SNTG1: variants seen among roughly 807,000 people sequenced by gnomAD.
SNTG1 encodes gamma-1-syntrophin.
A neutral mutation model predicts 74.7 loss-of-function variants in SNTG1; 39 were observed. That is an observed-to-expected ratio of 0.52 (90% CI 0.40 to 0.68). The LOEUF (loss-of-function observed/expected upper bound fraction) is 0.68. SNTG1 is among the 30% of genes least tolerant of loss of function. The pLI, the probability that SNTG1 is intolerant of heterozygous loss-of-function variation, is 0.00. For missense variants in SNTG1, 685 were observed against 609.5 expected (o/e 1.12, Z -1.30); for synonymous variants, 254 against 217.1 (o/e 1.17, Z -1.49).
At chr8:50,486,015 G>C (rs1484320949) in intron 8 of SNTG1, among the ~76,000 whole-genome samples, 1 of 152,142 alleles carries the variant, frequency 6.6e-6, no homozygotes, top group Admixed American at 6.5e-5. Flanking sequence ...GCTCTGTTCT[G>C]TTCCATTGAT....
At chr8:50,481,139 T>G (rs532535023) in intron 8 of SNTG1, among the ~76,000 whole-genome samples, 1 of 152,116 alleles carries the variant, frequency 6.6e-6, no homozygotes. Flanking sequence ...TCCCAGCACT[T>G]TGGGAAGCCG....
chr8:50,246,504 CTTTTT>C (rs58751270), intron 2 of SNTG1, among the ~76,000 whole-genome samples: 1 of 141,784 alleles, frequency 7.1e-6, no homozygotes. Flanking sequence ...TAGTGTCTTT[CTTTTT>C]TTTTTTTTTT....
chr8:50,335,510 G>C (rs566228205), intron 2 of SNTG1, among the ~76,000 whole-genome samples: 30 of 152,186 alleles, frequency 2.0e-4, no homozygotes, highest in African/African-American at 7.0e-4. Context: ...TATCGCCAGG[G>C]CACTGATCAT....
At chr8:50,074,378 G>C (rs1586154686) in intron 1 of SNTG1, among the ~76,000 whole-genome samples, 1 of 152,124 alleles carries the variant, frequency 6.6e-6, no homozygotes, top group African/African-American at 2.4e-5. Context: ...TGGCTGGTTT[G>C]ATCTTCTAAC....
intron 2 of SNTG1, among the ~76,000 whole-genome samples, chr8:50,386,811 G>C (rs2092582194): frequency 6.6e-6 from 1 of 152,080 alleles, no homozygotes; most frequent in African/African-American, 2.4e-5. Flanking sequence ...TGAGTGATCT[G>C]CCTCCATAAC....
At chr8:50,139,350 C>T (rs991835017) in intron 1 of SNTG1, among the ~76,000 whole-genome samples, 1 of 152,114 alleles carries the variant, frequency 6.6e-6, no homozygotes, top group Admixed American at 6.6e-5. Flanking sequence ...TATTTGTATG[C>T]ATAATTTCTA....
chr8:50,082,490 C>G (rs538468975), intron 1 of SNTG1, among the ~76,000 whole-genome samples: 1 of 152,144 alleles, frequency 6.6e-6, no homozygotes, highest in Admixed American at 6.5e-5. Context: ...GTTTATTTAT[C>G]TGCTCCTATT....
chr8:50,260,903 G>T (rs1016329132), intron 2 of SNTG1, among the ~76,000 whole-genome samples: 1 of 151,910 alleles, frequency 6.6e-6, no homozygotes, highest in African/African-American at 2.4e-5. Flanking sequence ...CCATACTGTG[G>T]GATAAATACA....
chr8:50,349,889 G>A lies in SNTG1; in HGVS notation c.-27-44323G>A, dbSNP rs796882365. Among the ~76,000 whole-genome samples, 21 of 152,232 alleles carry A rather than the reference G, an allele frequency of 1.4e-4. 1 individual carries two copies. Among genetic ancestry groups the A allele is most frequent in the African/African-American group, 4.8e-4 (20 of 41,560 alleles). ...TTCTGGGCTGGCCAAGGTAGGAGCC[G>A]GCTCCCTCAGTTTGCAGGGAGGTGT... On this transcript the variant is annotated intron_variant, in intron 2 of 18. Transcript: ENST00000642720.
rs201341360 is a variant in SNTG1 at position 50,701,618 on chromosome 8, C to CTTCTTCTTCTT, written c.1039-2982_1039-2981insTTCTTCTTCTT. Reference sequence around the variant, plus strand: ...TCTTCTTCTTCTTCTTCTTCTTCTTCGTGTTCCTCTTCCTCTTCTTCTTCC... The same window carrying CTTCTTCTTCTT: ...TCTTCTTCTTCTTCTTCTTCTTCTTCTTCTTCTTCTTGTGTTCCTCTTCCTCTTCTTCTTCC... On this transcript the variant is annotated intron_variant, in intron 15 of 18. Transcript: ENST00000642720. Among the ~76,000 whole-genome samples the CTTCTTCTTCTT allele has an allele frequency of 5.2e-3, 708 of 136,974 alleles. 9 individuals are homozygous for CTTCTTCTTCTT. The highest frequency in any genetic ancestry group is 9.4e-3 in the South Asian group (40 of 4,234). 89.9% of individuals were successfully genotyped at this position (136,974 alleles called of 152,430 possible).
At chr8:50,727,399 A>T (rs984142028) in intron 17 of SNTG1, among the ~76,000 whole-genome samples, 14 of 152,160 alleles carry the variant, frequency 9.2e-5, no homozygotes, top group African/African-American at 3.4e-4. Flanking sequence ...GAGAGCTTTC[A>T]ACAGATGATA....
intron 5 of SNTG1, among the ~76,000 whole-genome samples, chr8:50,442,078 A>G (rs73583405): frequency 0.028 from 4,234 of 152,298 alleles, 185 homozygotes; most frequent in African/African-American, 0.095. Context: ...TGCCTTGACC[A>G]GGGAGGTGCC....
At chr8:50,126,114 A>G (rs1306840525) in intron 1 of SNTG1, among the ~76,000 whole-genome samples, 2 of 152,124 alleles carry the variant, frequency 1.3e-5, no homozygotes. Context: ...CCGCACACTG[A>G]GAAAGGTGAA....
At chr8:50,633,631 G>A (rs1053924565) in intron 13 of SNTG1, among the ~76,000 whole-genome samples, 1 of 152,190 alleles carries the variant, frequency 6.6e-6, no homozygotes, top group Admixed American at 6.5e-5. Flanking sequence ...TATGAATGTT[G>A]AGGTGGGCTG....
intron 12 of SNTG1, among the ~76,000 whole-genome samples, chr8:50,577,371 A>G (rs1318386944): frequency 6.6e-6 from 1 of 151,838 alleles, no homozygotes; most frequent in Non-Finnish European, 1.5e-5. Flanking sequence ...TGCACTGTTG[A>G]ATGTGCTGTT....
At chr8:50,508,313 T>G (rs528087274) in intron 9 of SNTG1, among the ~76,000 whole-genome samples, 19 of 152,326 alleles carry the variant, frequency 1.2e-4, no homozygotes, top group African/African-American at 4.3e-4. Context: ...CTTAATCCAG[T>G]CTATCATTGT....
At chr8:49,972,341 C>T (rs1811766626) in intron 1 of SNTG1, among the ~76,000 whole-genome samples, 1 of 152,134 alleles carries the variant, frequency 6.6e-6, no homozygotes, top group African/African-American at 2.4e-5. Flanking sequence ...GGATCCCTTC[C>T]TTACATCTTA....
intron 2 of SNTG1, among the ~76,000 whole-genome samples, chr8:50,202,623 T>G (rs1487638790): frequency 6.6e-6 from 1 of 152,144 alleles, no homozygotes; most frequent in Non-Finnish European, 1.5e-5. Context: ...TACTTTCCAA[T>G]TTTTGGCAGC....
chr8:50,554,380 T>C (rs2130620338), intron 12 of SNTG1, among the ~76,000 whole-genome samples: 1 of 152,314 alleles, frequency 6.6e-6, no homozygotes, highest in Admixed American at 6.5e-5. Flanking sequence ...GATATGTTTC[T>C]TTCTATAATC....
Sources: allele counts gnomAD v4.1 joint callset (sites outside exome capture counted in the v4.1 genomes callset), GRCh38; gene constraint gnomAD v4.1.1; transcripts MANE v1.5; gene names NCBI Gene and HGNC (gene_info 2026-07-23, HGNC 2026-07-21).